Variants in CCDC24 observed in about 807,000 individuals in gnomAD.
CCDC24 encodes coiled-coil domain-containing protein 24.
Under a neutral mutation model 31.6 loss-of-function variants are expected in CCDC24, and 34 were observed. The ratio of observed to expected loss-of-function variants is 1.08; its 90% CI spans 0.82 to 1.43. CCDC24 has a LOEUF of 1.43. Among genes scored for constraint, CCDC24 ranks in the 40% most tolerant of loss-of-function variants. The pLI is 0.00. For missense variants in CCDC24, 426 were observed against 391.1 expected, an observed-to-expected ratio of 1.09 and a Z score of -0.75; for synonymous variants, 175 against 157.3, an observed-to-expected ratio of 1.11 and a Z score of -0.84.
At position 43,996,472 on chromosome 1, in the gene CCDC24, A is replaced by C; in HGVS notation, c.*312A>C. The C allele has an allele frequency of 2.7e-6, 1 of 372,994 alleles. No homozygotes were observed. The highest frequency in any genetic ancestry group is 8.2e-5 in the South Asian group (1 of 12,188). The allele number at this position is 372,994 out of a possible 1,614,324, so 23.1% of individuals were successfully genotyped here. On this transcript the variant is annotated 3_prime_UTR_variant, in exon 9 of 9. Coordinates refer to ENST00000372318, the MANE Select transcript of CCDC24 (RefSeq NM_152499.4). ...GTCCCCTGGGGGACCCAGACAAAGC[A>C]CAGCAGCCGCTCAGAGACAGGAATA...
rs190004059 is a variant in CCDC24 at position 43,994,321 on chromosome 1, C to T, written c.497+357C>T. On this transcript the variant is annotated intron_variant, in intron 5 of 8. Coordinates refer to ENST00000372318, the MANE Select transcript of CCDC24 (RefSeq NM_152499.4). ...AAAATTAGCTGGGCGTGGTGGTGCA[C>T]GCCTGTACCAGTTACTTGGGAGGCT... is the stretch of plus-strand genomic sequence containing the variant. 129 of 258,548 alleles carry T rather than the reference C, an allele frequency of 5.0e-4. No homozygotes were observed. The East Asian group carries it at 6.9e-3, about 14-fold the overall frequency. 16.0% of individuals were successfully genotyped at this position (258,548 alleles called of 1,614,324 possible).
intron 5 of CCDC24, 149 bp downstream of exon 5, chr1:43,994,113 C>T: frequency 1.4e-6 from 1 of 697,110 alleles, no homozygotes; most frequent in South Asian, 1.7e-5. Context: ...GAGCTGGCTG[C>T]TATAGAGCTA....
chr1:43,991,973 C>T lies in CCDC24; in HGVS notation c.95C>T (p.Ala32Val), dbSNP rs2085752243. Reference sequence around the variant, plus strand: ...GTGAAGAGGATTCTGGGGGAGGCGGCGGTGGACCTGAGCCTGGAGCTGCGG... The same window carrying T: ...GTGAAGAGGATTCTGGGGGAGGCGGTGGTGGACCTGAGCCTGGAGCTGCGG... The part of the protein sequence containing the change: ...REVKRILGEA[A>V]VDLSLELRAE... Residue 32 changes from alanine (A) to valine (V), a missense_variant, in exon 2 of 9, where the codon GCG becomes GTG. Physicochemically the swap from Ala to Val is moderately conservative, Grantham distance 64. Coordinates refer to ENST00000372318, the MANE Select transcript of CCDC24 (RefSeq NM_152499.4). 4 of 1,522,894 alleles carry T rather than the reference C, an allele frequency of 2.6e-6. No homozygotes were observed. The highest frequency in any genetic ancestry group is 2.5e-5 in the East Asian group (1 of 40,468). 94.3% of individuals were successfully genotyped at this position (1,522,894 alleles called of 1,614,324 possible).
chr1:43,992,179 C>T (rs1170961336), intron 2 of CCDC24, 33 bp from the exon 3 acceptor site: 4 of 1,591,042 alleles, frequency 2.5e-6, no homozygotes, highest in East Asian at 2.2e-5. Context: ...CACTCCCCTC[C>T]CCAGTCGCAA....
chr1:43,992,360 T>C lies in CCDC24; in HGVS notation c.275T>C (p.Leu92Pro), dbSNP rs2085761910. ...RQELRQLLQG[L>P]RHKAICEGRD... Reference sequence around the variant, plus strand: ...GAGCTCCGGCAGTTGCTCCAGGGTCTCCGCCACAAAGCCATCTGTGAGGGC... The same window carrying C: ...GAGCTCCGGCAGTTGCTCCAGGGTCCCCGCCACAAAGCCATCTGTGAGGGC... The change falls in exon 3 of 9, where the codon CTC (leucine) becomes CCC (proline). Residue 92 changes from leucine to proline, a missense_variant. Transcript: ENST00000372318. 1 of 1,614,170 alleles carries C rather than the reference T, an allele frequency of 6.2e-7. No homozygotes were observed. Among genetic ancestry groups the C allele is most frequent in the Non-Finnish European group, 8.5e-7 (1 of 1,180,022 alleles).
Position 43,991,837 on chromosome 1 carries a change from C to CG in CCDC24, c.-32-8dup. ...GCGGTACCTCCCGCACTCTGACCTGCGGCCCGTAGGTCCGAGCCGGGGACG... is the reference window on the plus strand; with the variant it reads ...GCGGTACCTCCCGCACTCTGACCTGCGGGCCCGTAGGTCCGAGCCGGGGACG... On this transcript the variant is annotated splice_polypyrimidine_tract_variant and intron_variant, in intron 1 of 8. Transcript: ENST00000372318. 1.3e-6 allele frequency: 2 copies of CG among 1,544,862 alleles called. No homozygotes were observed. The highest frequency in any genetic ancestry group is 1.7e-6 in the Non-Finnish European group (2 of 1,144,162).
rs1315700078 is a variant in CCDC24, at chr1:43,992,268, C to G, written c.183C>G (p.Ser61=). 1 of 1,614,172 alleles carries G rather than the reference C, an allele frequency of 6.2e-7. No homozygotes were observed. Among genetic ancestry groups the G allele is most frequent in the Admixed American group, 1.7e-5 (1 of 60,010 alleles). ...QEARSSQAPS[S]RPISDPSSLL... ...CTCGATCCTCTCAAGCCCCCAGCTC[C>G]CGCCCCATCTCTGACCCCTCTTCTC... is the stretch of plus-strand genomic sequence containing the variant. The change falls in exon 3 of 9, where the codon TCC becomes TCG. Residue 61 remains serine, a synonymous_variant. Transcript: ENST00000372318.
chr1:43,992,605 C>A lies in CCDC24; in HGVS notation c.385C>A (p.Gln129Lys). ...GGAGCCCAGGTGTGATTTGCCAGAACAGGAGATATTCCAGATGAGAGGTGG... is the reference window on the plus strand; with the variant it reads ...GGAGCCCAGGTGTGATTTGCCAGAAAAGGAGATATTCCAGATGAGAGGTGG... ...LEEPRCDLPE[Q>K]EIFQMRGGGP... Residue 129 changes from glutamine (Q) to lysine (K), a missense_variant, in exon 4 of 9, where the codon CAG becomes AAG. Coordinates refer to ENST00000372318, the MANE Select transcript of CCDC24 (RefSeq NM_152499.4). 1.9e-6 allele frequency: 3 copies of A among 1,614,228 alleles called. No homozygotes were observed. The South Asian group carries it at 3.3e-5, about 18-fold the overall frequency.
In CCDC24 at chr1:43,992,403, C is replaced by T. The variant is rs1327775417; in HGVS notation, c.302+16C>T. The T allele has an allele frequency of 9.3e-6, 15 of 1,613,732 alleles. No individual in the cohort carries two copies. The highest frequency in any genetic ancestry group is 9.3e-6 in the Non-Finnish European group (11 of 1,179,880). ...GTGAGGGCAGGTGGGAGCCTCAGGC[C>T]TGGGCCCTTTCCCTAGATACCAGGT... On this transcript the variant is annotated intron_variant, in intron 3 of 8. Coordinates refer to ENST00000372318, the MANE Select transcript of CCDC24 (RefSeq NM_152499.4).
At position 43,995,479 on chromosome 1, in the gene CCDC24, C is replaced by T; in HGVS notation, c.553-122C>T. 9.2e-7 allele frequency: 1 copy of T among 1,085,006 alleles called. No homozygotes were observed. The highest frequency in any genetic ancestry group is 1.3e-6 in the Non-Finnish European group (1 of 765,548). 67.2% of individuals were successfully genotyped at this position (1,085,006 alleles called of 1,614,324 possible). On this transcript the variant is annotated intron_variant, in intron 6 of 8. Transcript: ENST00000372318. The surrounding 1 kb of genome is among the most constrained non-coding windows in gnomAD (Gnocchi z 4.3). Reference sequence around the variant, plus strand: ...GGCTGGTATTCCCTGGGGAACGTGGCTGCCCTCACGGTGGATGGGCTGAAG... The same window carrying T: ...GGCTGGTATTCCCTGGGGAACGTGGTTGCCCTCACGGTGGATGGGCTGAAG...
intron 5 of CCDC24, 149 bp downstream of exon 5, chr1:43,994,113 C>A: frequency 1.4e-6 from 1 of 697,110 alleles, no homozygotes. Flanking sequence ...GAGCTGGCTG[C>A]TATAGAGCTA....
At position 43,995,585 on chromosome 1, in the gene CCDC24, G is replaced by T; in HGVS notation, c.553-16G>T. Reference sequence around the variant, plus strand: ...CCCTGCCTTGAGTCTGGGCACTGACGCAGCTCTCCCTGCAGCGCTGCCTGG... The same window carrying T: ...CCCTGCCTTGAGTCTGGGCACTGACTCAGCTCTCCCTGCAGCGCTGCCTGG... On this transcript the variant is annotated splice_polypyrimidine_tract_variant and intron_variant, in intron 6 of 8. Coordinates refer to ENST00000372318, the MANE Select transcript of CCDC24 (RefSeq NM_152499.4). This position sits in a 1 kb window ranked among gnomAD's most constrained non-coding sequence, Gnocchi z 4.3. 5.0e-6 allele frequency: 8 copies of T among 1,595,678 alleles called. No individual in the cohort carries two copies. The highest frequency in any genetic ancestry group is 6.8e-6 in the Non-Finnish European group (8 of 1,169,542).
At chr1:43,994,818 T>G in intron 5 of CCDC24, 20 of 475,002 alleles carry the variant, frequency 4.2e-5, no homozygotes, top group East Asian at 1.0e-4. Flanking sequence ...AGGGCTGTGA[T>G]GTGGGGGAAG....
chr1:43,995,591 C>A lies in CCDC24; in HGVS notation c.553-10C>A. 1.9e-6 allele frequency: 3 copies of A among 1,600,758 alleles called. No individual in the cohort carries two copies. Among genetic ancestry groups the A allele is most frequent in the South Asian group, 1.1e-5 (1 of 89,264 alleles). ...CTTGAGTCTGGGCACTGACGCAGCT[C>A]TCCCTGCAGCGCTGCCTGGAAGAGG... On this transcript the variant is annotated splice_polypyrimidine_tract_variant and intron_variant, in intron 6 of 8. Transcript: ENST00000372318. The surrounding 1 kb of genome is among the most constrained non-coding windows in gnomAD (Gnocchi z 4.3).
chr1:43,993,753 C>A, intron 4 of CCDC24, 134 bp from the exon 5 acceptor site: 2 of 753,692 alleles, frequency 2.7e-6, no homozygotes, highest in Non-Finnish European at 4.4e-6. Flanking sequence ...CAAACCTAGG[C>A]TCCCAAACTC....
Position 43,995,963 on chromosome 1 carries a change from CAG to C in CCDC24, c.728_729del (p.Gln243ArgfsTer127), listed in dbSNP as rs2085840840. ...GCAGCGGCCCTTGGGGTCCTCCACA[CAG>C]GGCCTCAGACCCCCGCTTCCCCTCT... ...HRQRPLGSST[Q>X]GLRPPLPLCG... On this transcript the variant is annotated frameshift_variant, in exon 9 of 9. Coordinates refer to ENST00000372318, the MANE Select transcript of CCDC24 (RefSeq NM_152499.4). LOFTEE classifies it low-confidence loss of function (END_TRUNC). The surrounding 1 kb of genome is among the most constrained non-coding windows in gnomAD (Gnocchi z 4.3). The C allele has an allele frequency of 1.2e-6, 2 of 1,614,048 alleles. No individual in the cohort carries two copies. The highest frequency in any genetic ancestry group is 8.5e-7 in the Non-Finnish European group (1 of 1,180,020).
chr1:43,995,584 C>T lies in CCDC24; in HGVS notation c.553-17C>T, dbSNP rs761080442. 1.3e-5 allele frequency: 20 copies of T among 1,593,942 alleles called. No individual in the cohort carries two copies. Among genetic ancestry groups the T allele is most frequent in the South Asian group, 4.5e-5 (4 of 88,444 alleles). On this transcript the variant is annotated splice_polypyrimidine_tract_variant and intron_variant, in intron 6 of 8. Coordinates refer to ENST00000372318, the MANE Select transcript of CCDC24 (RefSeq NM_152499.4). The surrounding 1 kb of genome is among the most constrained non-coding windows in gnomAD (Gnocchi z 4.3). ...CCCCTGCCTTGAGTCTGGGCACTGA[C>T]GCAGCTCTCCCTGCAGCGCTGCCTG...
At chr1:43,992,171 C>T (rs2085757334) in intron 2 of CCDC24, 41 bp from the exon 3 acceptor site, 1 of 1,580,406 alleles carries the variant, frequency 6.3e-7, no homozygotes, top group African/African-American at 1.3e-5. Context: ...ATTCCGGACA[C>T]TCCCCTCCCC....
chr1:43,992,486 G>C (rs771305994), intron 3 of CCDC24, 37 bp from the exon 4 acceptor site: 1 of 1,613,290 alleles, frequency 6.2e-7, no homozygotes, highest in South Asian at 1.1e-5. Context: ...TTTCCAGAAA[G>C]GAGCCTCTCA....
Sources: gnomAD v4.1 joint callset for allele counts on GRCh38, gnomAD v4.1.1 for gene constraint, Gnocchi (gnomAD v3.1) non-coding constraint, MANE v1.5 for transcripts, NCBI Gene and HGNC (gene_info 2026-07-23, HGNC 2026-07-21) for gene names.